OPCML: variants seen among roughly 807,000 people sequenced by gnomAD.
The protein encoded by OPCML is opioid binding protein/cell adhesion molecule like.
OPCML carries 13 observed loss-of-function variants against 37.8 expected under a neutral mutation model. The ratio of observed to expected loss-of-function variants is 0.34; its 90% CI spans 0.22 to 0.55. The LOEUF (loss-of-function observed/expected upper bound fraction) is 0.55, where lower values mean the gene tolerates loss of function less well. Ranked by LOEUF, OPCML falls within the 20% of genes least tolerant of loss-of-function variation. The probability of loss-of-function intolerance (pLI) is 0.91; values close to 1 mark genes in which losing one functional copy is unlikely to be tolerated. For missense variants in OPCML, 341 were observed against 435.6 expected, an observed-to-expected ratio of 0.78 and a Z score of 1.93; for synonymous variants, 176 against 168.8, an observed-to-expected ratio of 1.04 and a Z score of -0.33.
intron 4 of OPCML, among the ~76,000 whole-genome samples, chr11:132,491,189 G>A (rs1272966496): frequency 1.3e-5 from 2 of 152,134 alleles, no homozygotes; most frequent in African/African-American, 2.4e-5. Flanking sequence ...TGTTCCCCTC[G>A]GTGTGCTCAT....
At chr11:132,437,670 A>T (rs1445959795) in intron 4 of OPCML, among the ~76,000 whole-genome samples, 1 of 152,226 alleles carries the variant, frequency 6.6e-6, no homozygotes, top group Non-Finnish European at 1.5e-5. Context: ...TGACATGATA[A>T]ATACTTCAGT....
chr11:132,428,642 A>C (rs1294381667), intron 7 of OPCML, among the ~76,000 whole-genome samples: 3 of 152,186 alleles, frequency 2.0e-5, no homozygotes, highest in Non-Finnish European at 4.4e-5. Flanking sequence ...GGTTTGAAAG[A>C]AACAGGGGAT....
At chr11:133,054,501 TC>T (rs1948186400) in intron 1 of OPCML, among the ~76,000 whole-genome samples, 1 of 152,180 alleles carries the variant, frequency 6.6e-6, no homozygotes, top group South Asian at 2.1e-4. Context: ...GGAACACTGC[TC>T]TCCCAGGGCT....
At chr11:133,084,904 CAA>C (rs1948796173) in intron 1 of OPCML, among the ~76,000 whole-genome samples, 1 of 152,144 alleles carries the variant, frequency 6.6e-6, no homozygotes, top group Non-Finnish European at 1.5e-5. Context: ...ATACTGACAT[CAA>C]AAGCCTCCAC....
chr11:133,014,078 C>G (rs1947271110), intron 1 of OPCML, among the ~76,000 whole-genome samples: 1 of 152,210 alleles, frequency 6.6e-6, no homozygotes, highest in Admixed American at 6.5e-5. Flanking sequence ...AGATGATACC[C>G]AAGGACTCCA....
intron 1 of OPCML, among the ~76,000 whole-genome samples, chr11:133,169,259 G>T (rs754090009): frequency 5.3e-5 from 8 of 152,214 alleles, no homozygotes; most frequent in Non-Finnish European, 1.0e-4. Flanking sequence ...GATAGTGTCT[G>T]CATTTGAACT....
At chr11:133,165,749 C>T (rs1483116824) in intron 1 of OPCML, among the ~76,000 whole-genome samples, 1 of 152,160 alleles carries the variant, frequency 6.6e-6, no homozygotes, top group African/African-American at 2.4e-5. Context: ...CCTCTCTCCT[C>T]CCCAGGCTCT....
chr11:132,844,986 T>C (rs1941460441), intron 2 of OPCML, among the ~76,000 whole-genome samples: 1 of 152,102 alleles, frequency 6.6e-6, no homozygotes. Context: ...GTTTTTGTTT[T>C]TGTTTTAAAG....
chr11:133,368,904 C>G (rs1046981466), intron 1 of OPCML, among the ~76,000 whole-genome samples: 9 of 152,182 alleles, frequency 5.9e-5, no homozygotes, highest in African/African-American at 2.2e-4. Flanking sequence ...ATATTTGATT[C>G]CTCACTTGAC....
At chr11:132,632,591 G>A (rs186590235) in intron 3 of OPCML, among the ~76,000 whole-genome samples, 28 of 152,142 alleles carry the variant, frequency 1.8e-4, no homozygotes, top group South Asian at 8.3e-4. Context: ...CAATGTCGCC[G>A]CAGAGGAGTC....
intron 1 of OPCML, among the ~76,000 whole-genome samples, chr11:133,378,301 C>G (rs61912393): frequency 0.085 from 12,891 of 152,180 alleles, 825 homozygotes; most frequent in African/African-American, 0.17. Context: ...TTTTGTATGG[C>G]CTTTGAGGAA....
At chr11:133,307,092 C>T (rs144774213) in intron 1 of OPCML, among the ~76,000 whole-genome samples, 14 of 152,248 alleles carry the variant, frequency 9.2e-5, no homozygotes, top group African/African-American at 2.9e-4. Context: ...TACCTCCCTC[C>T]GCTGTTCCTC....
chr11:132,954,862 A>G (rs1233217988), intron 1 of OPCML, among the ~76,000 whole-genome samples: 1 of 152,184 alleles, frequency 6.6e-6, no homozygotes. Flanking sequence ...GGCCAAAAAA[A>G]TAGAAGGAAA....
At chr11:132,969,531 C>A (rs1024062765) in intron 1 of OPCML, among the ~76,000 whole-genome samples, 6 of 152,116 alleles carry the variant, frequency 3.9e-5, no homozygotes, top group Non-Finnish European at 8.8e-5. Flanking sequence ...TTCTGGGACC[C>A]CCCCTGCAAC....
intron 3 of OPCML, among the ~76,000 whole-genome samples, chr11:132,611,016 T>G (rs1446201366): frequency 6.6e-6 from 1 of 152,158 alleles, no homozygotes; most frequent in Non-Finnish European, 1.5e-5. Flanking sequence ...TTTACTTTAG[T>G]TCCAGCTGCA....
rs67176157 is a variant in OPCML, at chr11:132,632,241, ATT to A, written c.379+24844_379+24845del. Among the ~76,000 whole-genome samples the A allele has an allele frequency of 4.6e-3, 515 of 111,450 alleles. 3 individuals are homozygous for A. The highest frequency in any genetic ancestry group is 0.013 in the African/African-American group (347 of 27,386). 73.1% of individuals were successfully genotyped at this position (111,450 alleles called of 152,430 possible). On this transcript the variant is annotated intron_variant, in intron 3 of 7. Transcript: ENST00000524381. Reference sequence around the variant, plus strand: ...GCCTCAGGCATCTTTATTCAAACACATTTTTTTTTTTTTTTTTTTTTTTTGGA... The same window carrying A: ...GCCTCAGGCATCTTTATTCAAACACATTTTTTTTTTTTTTTTTTTTTTGGA...
chr11:132,918,070 A>T (rs1200318723), intron 2 of OPCML, among the ~76,000 whole-genome samples: 1 of 152,188 alleles, frequency 6.6e-6, no homozygotes, highest in Non-Finnish European at 1.5e-5. Context: ...TGGTGTTGGA[A>T]ATTACCTCAC....
In OPCML at chr11:132,437,277, G is replaced by C; in HGVS notation, c.588C>G (p.Ser196Arg). 1 of 1,614,170 alleles carries C rather than the reference G, an allele frequency of 6.2e-7. No homozygotes were observed. The highest frequency in any genetic ancestry group is 8.5e-7 in the Non-Finnish European group (1 of 1,180,036). Residue 196 changes from serine (S) to arginine (R), a missense_variant, in exon 5 of 8, where the codon AGC becomes AGG. By Grantham distance (110) the Ser-to-Arg change is moderately radical. Transcript: ENST00000524381. ...CGGGCGCAGCGACATCGTTCAACGC[G>C]CTGCATTCGTACTCCCCGGACTGGT... ...KRDQSGEYECSALNDVAAPDV... is the reference protein window; with the variant it reads ...KRDQSGEYECRALNDVAAPDV...
chr11:133,521,380 T>C (rs966737632), intron 1 of OPCML, among the ~76,000 whole-genome samples: 5 of 152,184 alleles, frequency 3.3e-5, no homozygotes, highest in African/African-American at 1.2e-4. Context: ...GGATAGCTAA[T>C]TGTTTGCTTT....
Sources: gnomAD v4.1 joint callset for allele counts (sites outside exome capture counted in the v4.1 genomes callset) on GRCh38, gnomAD v4.1.1 for gene constraint, MANE v1.5 for transcripts, NCBI Gene and HGNC (gene_info 2026-07-23, HGNC 2026-07-21) for gene names.